Variants in RNF4 observed in about 807,000 individuals in gnomAD.
RNF4 encodes ring finger protein 4, also known as E3 ubiquitin-protein ligase RNF4.
A neutral mutation model predicts 24.3 loss-of-function variants in RNF4; 7 were observed. The observed-to-expected ratio is 0.29, with a 90% CI of 0.16 to 0.54. The LOEUF (loss-of-function observed/expected upper bound fraction) is 0.54, where lower values mean the gene tolerates loss of function less well. Ranked by LOEUF, RNF4 falls within the 20% of genes least tolerant of loss-of-function variation. The pLI is 0.95. For synonymous variants in RNF4, 83 were observed against 84.3 expected (o/e 0.98, Z 0.09); for missense variants, 209 against 248.5 (o/e 0.84, Z 1.07).
At chr4:2,474,366 A>T (rs1291844127) in intron 1 of RNF4, among the ~76,000 whole-genome samples, 1 of 146,254 alleles carries the variant, frequency 6.8e-6, no homozygotes, top group Non-Finnish European at 1.5e-5. Context: ...TGGTTGACAG[A>T]ACGAGACTCT....
intron 3 of RNF4, among the ~76,000 whole-genome samples, chr4:2,499,780 G>A (rs979245970): frequency 6.6e-6 from 1 of 152,172 alleles, no homozygotes; most frequent in Admixed American, 6.5e-5. Flanking sequence ...CATTTTGTAT[G>A]TTGAGGTTCT....
At chr4:2,501,045 T>A (rs925963969) in intron 4 of RNF4, among the ~76,000 whole-genome samples, 23 of 152,132 alleles carry the variant, frequency 1.5e-4, no homozygotes, top group African/African-American at 5.3e-4. Context: ...GGCACAAAAG[T>A]GGTTTGGGGA....
chr4:2,505,778 G>A (rs1322404368), intron 4 of RNF4: 2 of 123,546 alleles, frequency 1.6e-5, no homozygotes, highest in African/African-American at 6.4e-5. Context: ...CTGTCACTCA[G>A]GCTAGAATGC....
chr4:2,514,986 A>C lies in RNF4; in HGVS notation c.*1167A>C, dbSNP rs1378419119. 6.6e-6 allele frequency: 1 copy of C among 152,360 alleles called. No homozygotes were observed. The highest frequency in any genetic ancestry group is 1.5e-5 in the Non-Finnish European group (1 of 68,080). 9.4% of individuals were successfully genotyped at this position (152,360 alleles called of 1,614,324 possible). ...GATGACAACCTCTCCTTCGCTCCAC[A>C]GGTACGCGGGAGCCTCAGGTTCTCT... On this transcript the variant is annotated 3_prime_UTR_variant, in exon 8 of 8. Transcript: ENST00000314289.
At chr4:2,508,135 C>T (rs897649941) in intron 4 of RNF4, among the ~76,000 whole-genome samples, 5 of 152,202 alleles carry the variant, frequency 3.3e-5, no homozygotes, top group Non-Finnish European at 7.3e-5. Flanking sequence ...ATATGGGACA[C>T]CATGCCCAGC....
chr4:2,486,825 G>A (rs978549648), intron 1 of RNF4, among the ~76,000 whole-genome samples: 1 of 152,214 alleles, frequency 6.6e-6, no homozygotes, highest in Non-Finnish European at 1.5e-5. Flanking sequence ...TCCTTTGTCA[G>A]TAGCTTCTCT....
chr4:2,487,279 T>C (rs186054319), intron 1 of RNF4, among the ~76,000 whole-genome samples: 1 of 152,060 alleles, frequency 6.6e-6, no homozygotes. Context: ...GCTATTTTTT[T>C]AATGTGTTTT....
chr4:2,471,496 C>T (rs1397833667), intron 1 of RNF4, among the ~76,000 whole-genome samples: 2 of 138,668 alleles, frequency 1.4e-5, no homozygotes, highest in East Asian at 4.0e-4. Flanking sequence ...GCAAAAGGAG[C>T]AGTCAGTTGA....
chr4:2,512,960 G>T lies in RNF4; in HGVS notation c.375-123G>T. ...TCCTGAAAGTCTCTCGGATGCCCGC[G>T]CTAAGGCAGAGTCAGGAGGCCAGGG... On this transcript the variant is annotated intron_variant, in intron 6 of 7. Transcript: ENST00000314289. This position sits in a 1 kb window ranked among gnomAD's most constrained non-coding sequence, Gnocchi z 4.1. 1 of 953,572 alleles carries T rather than the reference G, an allele frequency of 1.0e-6. No individual in the cohort carries two copies. Among genetic ancestry groups the T allele is most frequent in the Non-Finnish European group, 1.7e-6 (1 of 598,206 alleles). The allele number at this position is 953,572 out of a possible 1,614,324, so 59.1% of individuals were successfully genotyped here. A position where few individuals can be genotyped will look rare whatever the true frequency, so the allele number is the denominator to read the frequency against.
intron 6 of RNF4, 44 bp from the exon 7 acceptor site, chr4:2,513,039 G>A: frequency 1.3e-6 from 2 of 1,591,882 alleles, no homozygotes; most frequent in Non-Finnish European, 1.7e-6. Context: ...ATAATAAAAT[G>A]TTTGCGTTGA....
rs370757861 is a variant in RNF4 at position 2,488,030 on chromosome 4, G to A, written c.-157-2307G>A. On this transcript the variant is annotated intron_variant, in intron 1 of 7. Coordinates refer to ENST00000314289, the MANE Select transcript of RNF4 (RefSeq NM_002938.5). The stretch of plus-strand genomic sequence containing the variant: ...TCTTGCACACTTAGTTCCTAACTTC[G>A]TTATAGCTGCCTGCCAGCACCCTCC... Among the ~76,000 whole-genome samples the A allele has an allele frequency of 8.5e-5, 13 of 152,230 alleles. No individual in the cohort carries two copies. The East Asian group carries it at 2.3e-3, about 27-fold the overall frequency.
Position 2,512,135 on chromosome 4 carries a change from G to A in RNF4, c.214+170G>A. 1 of 664,224 alleles carries A rather than the reference G, an allele frequency of 1.5e-6. No homozygotes were observed. The allele number at this position is 664,224 out of a possible 1,614,324, so 41.1% of individuals were successfully genotyped here. A position where few individuals can be genotyped will look rare whatever the true frequency, so the allele number is the denominator to read the frequency against. ...GACCCACACAGCCAGTCCCCCTTGT[G>A]CCTGCTGAAGAAACTTCACCACTAT... is the stretch of plus-strand genomic sequence containing the variant. On this transcript the variant is annotated intron_variant, in intron 5 of 7. Coordinates refer to ENST00000314289, the MANE Select transcript of RNF4 (RefSeq NM_002938.5). The surrounding 1 kb of genome is among the most constrained non-coding windows in gnomAD (Gnocchi z 4.1).
intron 1 of RNF4, among the ~76,000 whole-genome samples, chr4:2,475,269 G>A (rs1215734892): frequency 6.6e-6 from 1 of 152,200 alleles, no homozygotes; most frequent in Non-Finnish European, 1.5e-5. Flanking sequence ...GGGTTCAAGA[G>A]ATCCTCTCAC....
intron 1 of RNF4, chr4:2,470,984 G>A (rs967946288): frequency 2.0e-5 from 1 of 49,776 alleles, no homozygotes; most frequent in African/African-American, 7.7e-5. Flanking sequence ...TTTTTTTTTT[G>A]AGGTGGAATC....
chr4:2,514,004 C>T lies in RNF4; in HGVS notation c.*185C>T. 1.3e-6 allele frequency: 1 copy of T among 744,566 alleles called. No individual in the cohort carries two copies. Among genetic ancestry groups the T allele is most frequent in the Non-Finnish European group, 2.1e-6 (1 of 466,960 alleles). 46.1% of individuals were successfully genotyped at this position (744,566 alleles called of 1,614,324 possible). A position where few individuals can be genotyped will look rare whatever the true frequency, so the allele number is the denominator to read the frequency against. On this transcript the variant is annotated 3_prime_UTR_variant, in exon 8 of 8. Coordinates refer to ENST00000314289, the MANE Select transcript of RNF4 (RefSeq NM_002938.5). ...CCAGTTTGATGCTATGGCGCTGGAC[C>T]CAGGGCCCTCCCAGGCCATCTCTGT...
chr4:2,470,395 A>G (rs1015999181), intron 1 of RNF4, among the ~76,000 whole-genome samples: 1 of 152,192 alleles, frequency 6.6e-6, no homozygotes. Flanking sequence ...ACAAGGACAT[A>G]TTGGGTTCAG....
At chr4:2,502,620 C>T (rs530606260) in intron 4 of RNF4, among the ~76,000 whole-genome samples, 4 of 150,486 alleles carry the variant, frequency 2.7e-5, no homozygotes, top group African/African-American at 9.8e-5. Context: ...TGCAGTGAGC[C>T]GAGATCACGT....
At chr4:2,513,592 G>A in intron 7 of RNF4, 78 bp from the exon 8 acceptor site, 4 of 1,560,144 alleles carry the variant, frequency 2.6e-6, no homozygotes, top group Non-Finnish European at 2.6e-6. Context: ...TTAGGCATAG[G>A]TGGGTGGGAT....
At position 2,515,424 on chromosome 4, in the gene RNF4, A is replaced by T. The variant is rs1736387561; in HGVS notation, c.*1605A>T. On this transcript the variant is annotated 3_prime_UTR_variant, in exon 8 of 8. Coordinates refer to ENST00000314289, the MANE Select transcript of RNF4 (RefSeq NM_002938.5). ...GAGGGCAGAATCCGCAGCTCTCATC[A>T]TTGTGATGTGTAGCATGTCTGCCCT... 6.6e-6 allele frequency: 1 copy of T among 152,572 alleles called. No individual in the cohort carries two copies. Among genetic ancestry groups the T allele is most frequent in the Non-Finnish European group, 1.5e-5 (1 of 68,054 alleles). 9.5% of individuals were successfully genotyped at this position (152,572 alleles called of 1,614,324 possible). A position where few individuals can be genotyped will look rare whatever the true frequency, so the allele number is the denominator to read the frequency against.
Sources: gnomAD v4.1 joint callset for allele counts (sites outside exome capture counted in the v4.1 genomes callset) on GRCh38, gnomAD v4.1.1 for gene constraint, Gnocchi (gnomAD v3.1) non-coding constraint, MANE v1.5 for transcripts, NCBI Gene and HGNC (gene_info 2026-07-23, HGNC 2026-07-21) for gene names.